The following VPS33B variants were observed in gnomAD, a reference collection of about 807,000 sequenced individuals.
VPS33B encodes vacuolar protein sorting-associated protein 33B.
In VPS33B, 80 loss-of-function variants were observed where a neutral mutation model predicts 95.3. That is an observed-to-expected ratio of 0.84 (90% CI 0.70 to 1.01). The LOEUF (loss-of-function observed/expected upper bound fraction) is 1.01, where lower values mean the gene tolerates loss of function less well. Among genes scored for constraint, VPS33B ranks in the 50% least tolerant of loss-of-function variants. VPS33B has a pLI of 0.00. For synonymous variants in VPS33B, 280 were observed against 280.4 expected, an observed-to-expected ratio of 1.00 and a Z score of 0.01; for missense variants, 715 against 773.4, an observed-to-expected ratio of 0.92 and a Z score of 0.90.
In VPS33B at chr15:91,003,134, A is replaced by G; in HGVS notation, c.1226-3T>C. ...TCGGTAATCCTTGGGGATCAAACCT[A>G]AGAGTGAAGAAAATAAGACAGGTGC... is the stretch of plus-strand genomic sequence containing the variant. On this transcript the variant is annotated splice_region_variant and splice_polypyrimidine_tract_variant and intron_variant, in intron 16 of 22. Transcript: ENST00000333371. 2 of 1,614,138 alleles carry G rather than the reference A, an allele frequency of 1.2e-6. No homozygotes were observed. Among genetic ancestry groups the G allele is most frequent in the Non-Finnish European group, 1.7e-6 (2 of 1,179,996 alleles).
rs370558056 is a variant in VPS33B at position 91,006,101 on chromosome 15, C to T, written c.853-42G>A. 7.5e-6 allele frequency: 12 copies of T among 1,604,260 alleles called. No homozygotes were observed. The highest frequency in any genetic ancestry group is 1.0e-5 in the Non-Finnish European group (12 of 1,172,238). The stretch of plus-strand genomic sequence containing the variant: ...ACAAGAACAGCTTACTCTGTCAGAA[C>T]CATAACTTAGCAGTAGAATGACAGT... On this transcript the variant is annotated intron_variant, in intron 11 of 22. Coordinates refer to ENST00000333371, the MANE Select transcript of VPS33B (RefSeq NM_018668.5). This position sits in a 1 kb window ranked among gnomAD's most constrained non-coding sequence, Gnocchi z 5.4.
rs1367743013 is a variant in VPS33B, at chr15:91,013,376, A to C, written c.357+428T>G. 2.6e-5 allele frequency among the ~76,000 whole-genome samples: 4 copies of C among 152,228 alleles called. No homozygotes were observed. Among genetic ancestry groups the C allele is most frequent in the Non-Finnish European group, 1.5e-5 (1 of 68,046 alleles). ...GCTATGGTTTGAATGTGTCTCCCAA[A>C]AGTTCATCTGTTGGAAACTGAATCT... On this transcript the variant is annotated intron_variant, in intron 5 of 22. Coordinates refer to ENST00000333371, the MANE Select transcript of VPS33B (RefSeq NM_018668.5). The surrounding 1 kb of genome is among the most constrained non-coding windows in gnomAD (Gnocchi z 4.5).
chr15:91,019,855 G>C (rs1228653020), intron 1 of VPS33B, among the ~76,000 whole-genome samples: 1 of 151,800 alleles, frequency 6.6e-6, no homozygotes, highest in Non-Finnish European at 1.5e-5. Context: ...GCCCAGGCTG[G>C]AGTGCAATGA....
intron 4 of VPS33B, among the ~76,000 whole-genome samples, 187 bp downstream of exon 4, chr15:91,014,197 C>A (rs1220794676): frequency 9.0e-6 from 1 of 110,936 alleles, no homozygotes; most frequent in African/African-American, 3.6e-5. Flanking sequence ...CCAGACTGGG[C>A]AACAAGAGTG....
Position 91,006,969 on chromosome 15 carries a change from AT to A in VPS33B, c.680del (p.His227LeufsTer12). ...ETKGRRPEIGHIFLLDRDVDF... is the reference protein window; with the variant it reads ...ETKGRRPEIGXIFLLDRDVDF... ...ATTTACCTCTGTCCAAGAGAAAGATATGTCCAATCTCTGGCCTTCGGCCCTT... is the reference window on the plus strand; with the variant it reads ...ATTTACCTCTGTCCAAGAGAAAGATAGTCCAATCTCTGGCCTTCGGCCCTT... On this transcript the variant is annotated frameshift_variant, in exon 9 of 23. Coordinates refer to ENST00000333371, the MANE Select transcript of VPS33B (RefSeq NM_018668.5). LOFTEE classifies it high-confidence loss of function. This position sits in a 1 kb window ranked among gnomAD's most constrained non-coding sequence, Gnocchi z 5.4. The A allele has an allele frequency of 6.2e-7, 1 of 1,614,154 alleles. No homozygotes were observed. The highest frequency in any genetic ancestry group is 8.5e-7 in the Non-Finnish European group (1 of 1,180,032).
intron 3 of VPS33B, 68 bp from the exon 4 acceptor site, chr15:91,014,501 C>T: frequency 6.4e-7 from 1 of 1,553,784 alleles, no homozygotes; most frequent in Non-Finnish European, 8.9e-7. Context: ...TTAGAAGAAA[C>T]TGAAACAATA....
intron 16 of VPS33B, among the ~76,000 whole-genome samples, chr15:91,004,048 AC>A (rs1015749125): frequency 1.1e-4 from 17 of 151,886 alleles, no homozygotes; most frequent in African/African-American, 3.9e-4. Context: ...ACATAACAAA[AC>A]CCTGTCTCTA....
Position 90,999,069 on chromosome 15 carries a change from G to A in VPS33B, c.1775-15C>T, listed in dbSNP as rs1228453762. Reference sequence around the variant, plus strand: ...GAACCTGTAGCCTAAGGAGTCAAATGCAGCAGCAGAAGAGACAGCACAGAT... The same window carrying A: ...GAACCTGTAGCCTAAGGAGTCAAATACAGCAGCAGAAGAGACAGCACAGAT... On this transcript the variant is annotated splice_polypyrimidine_tract_variant and intron_variant, in intron 22 of 22. Coordinates refer to ENST00000333371, the MANE Select transcript of VPS33B (RefSeq NM_018668.5). This position sits in a 1 kb window ranked among gnomAD's most constrained non-coding sequence, Gnocchi z 5.1. 1.2e-6 allele frequency: 2 copies of A among 1,613,566 alleles called. No homozygotes were observed. Among genetic ancestry groups the A allele is most frequent in the Admixed American group, 1.7e-5 (1 of 59,932 alleles).
rs1385869334 is a variant in VPS33B at position 91,000,897 on chromosome 15, T to G, written c.1480-306A>C. Reference sequence around the variant, plus strand: ...GTCACTGAAGCAGCACTTAGAATATTCTCTGGCATTGGCAGGTGCTTGTTA... The same window carrying G: ...GTCACTGAAGCAGCACTTAGAATATGCTCTGGCATTGGCAGGTGCTTGTTA... On this transcript the variant is annotated intron_variant, in intron 19 of 22. Coordinates refer to ENST00000333371, the MANE Select transcript of VPS33B (RefSeq NM_018668.5). This position sits in a 1 kb window ranked among gnomAD's most constrained non-coding sequence, Gnocchi z 4.9. 2.4e-6 allele frequency: 1 copy of G among 418,884 alleles called. No homozygotes were observed. Among genetic ancestry groups the G allele is most frequent in the Non-Finnish European group, 4.5e-6 (1 of 223,760 alleles). 25.9% of individuals were successfully genotyped at this position (418,884 alleles called of 1,614,324 possible). A position where few individuals can be genotyped will look rare whatever the true frequency, so the allele number is the denominator to read the frequency against.
chr15:91,017,745 G>A (rs1203710938), intron 2 of VPS33B, 60 bp downstream of exon 2: 1 of 1,505,368 alleles, frequency 6.6e-7, no homozygotes, highest in Non-Finnish European at 9.2e-7. Flanking sequence ...AGTTTGTATT[G>A]TTCATCAAAA....
At position 91,009,725 on chromosome 15, in the gene VPS33B, G is replaced by T; in HGVS notation, c.403+76C>A. On this transcript the variant is annotated intron_variant, in intron 6 of 22. Transcript: ENST00000333371. This position sits in a 1 kb window ranked among gnomAD's most constrained non-coding sequence, Gnocchi z 4.1. ...GGAGCTGGTGGTGGGGGTGGGGTGG[G>T]GGGGTTGGAGAACAACAACAGTTTT... 1 of 1,512,610 alleles carries T rather than the reference G, an allele frequency of 6.6e-7. No homozygotes were observed. The highest frequency in any genetic ancestry group is 1.2e-5 in the South Asian group (1 of 85,372). 93.7% of individuals were successfully genotyped at this position (1,512,610 alleles called of 1,614,324 possible).
At position 90,999,278 on chromosome 15, in the gene VPS33B, A is replaced by T; in HGVS notation, c.1775-224T>A. 1.7e-6 allele frequency: 1 copy of T among 602,976 alleles called. No homozygotes were observed. The highest frequency in any genetic ancestry group is 1.9e-5 in the South Asian group (1 of 51,680). 37.4% of individuals were successfully genotyped at this position (602,976 alleles called of 1,614,324 possible). A position where few individuals can be genotyped will look rare whatever the true frequency, so the allele number is the denominator to read the frequency against. ...TAAGGCTATGGCAAGTTGTATTCTG[A>T]GGCCAGGAGAAAAATATTCCTGTGC... On this transcript the variant is annotated intron_variant, in intron 22 of 22. Transcript: ENST00000333371. The surrounding 1 kb of genome is among the most constrained non-coding windows in gnomAD (Gnocchi z 5.1).
intron 5 of VPS33B, among the ~76,000 whole-genome samples, chr15:91,012,257 C>T (rs1317352239): frequency 6.6e-6 from 1 of 152,124 alleles, no homozygotes; most frequent in Non-Finnish European, 1.5e-5. Context: ...TAAGATTGTG[C>T]TATCAATGTT....
intron 4 of VPS33B, 37 bp downstream of exon 4, chr15:91,014,347 T>C (rs1454221041): frequency 1.2e-6 from 2 of 1,613,096 alleles, no homozygotes; most frequent in African/African-American, 1.3e-5. Context: ...TTGCCCGCCC[T>C]TTCCCACAGT....
Position 91,022,518 on chromosome 15 carries a change from A to G in VPS33B, c.-269T>C, listed in dbSNP as rs561174112. The G allele has an allele frequency of 1.8e-3, 627 of 348,590 alleles. 5 individuals are homozygous for G. The highest frequency in any genetic ancestry group is 0.012 in the African/African-American group (555 of 47,888). 21.6% of individuals were successfully genotyped at this position (348,590 alleles called of 1,614,324 possible). ...CTGATCCACTCTGCCCGTCAGCAGGATTCCGGTCTACACCCCGCAGAGACT... is the reference window on the plus strand; with the variant it reads ...CTGATCCACTCTGCCCGTCAGCAGGGTTCCGGTCTACACCCCGCAGAGACT... On this transcript the variant is annotated 5_prime_UTR_variant, in exon 1 of 23. Transcript: ENST00000333371.
Position 91,002,311 on chromosome 15 carries a change from G to T in VPS33B, c.1273-129C>A. On this transcript the variant is annotated intron_variant, in intron 17 of 22. Transcript: ENST00000333371. The surrounding 1 kb of genome is among the most constrained non-coding windows in gnomAD (Gnocchi z 4.7). Reference sequence around the variant, plus strand: ...TGTGAAGGAGCTCACACTTTGTTGAGATAAATTTTCACATCAGAAATAACC... The same window carrying T: ...TGTGAAGGAGCTCACACTTTGTTGATATAAATTTTCACATCAGAAATAACC... The T allele has an allele frequency of 7.3e-7, 1 of 1,371,270 alleles. No homozygotes were observed. Among genetic ancestry groups the T allele is most frequent in the Non-Finnish European group, 1.0e-6 (1 of 993,596 alleles). The allele number at this position is 1,371,270 out of a possible 1,614,324, so 84.9% of individuals were successfully genotyped here. A position where few individuals can be genotyped will look rare whatever the true frequency, so the allele number is the denominator to read the frequency against.
intron 1 of VPS33B, among the ~76,000 whole-genome samples, chr15:91,020,387 A>C (rs1486142816): frequency 6.6e-6 from 1 of 152,216 alleles, no homozygotes; most frequent in Non-Finnish European, 1.5e-5. Flanking sequence ...AAATTAAGTC[A>C]GAAGTTAGTT....
At position 91,018,094 on chromosome 15, in the gene VPS33B, T is replaced by C. The variant is rs2040995474; in HGVS notation, c.97-209A>G. On this transcript the variant is annotated intron_variant, in intron 1 of 22. Transcript: ENST00000333371. This position sits in a 1 kb window ranked among gnomAD's most constrained non-coding sequence, Gnocchi z 4.7. ...TTTGCCTTCTCGTTTTCTGTACCAG[T>C]GGGAAGAAGACATCCCACCTTCTTT... 1 of 577,032 alleles carries C rather than the reference T, an allele frequency of 1.7e-6. No homozygotes were observed. The highest frequency in any genetic ancestry group is 3.2e-6 in the Non-Finnish European group (1 of 316,672). 35.7% of individuals were successfully genotyped at this position (577,032 alleles called of 1,614,324 possible).
intron 6 of VPS33B, among the ~76,000 whole-genome samples, chr15:91,008,192 T>C (rs558308828): frequency 2.2e-4 from 33 of 152,336 alleles, no homozygotes; most frequent in African/African-American, 7.2e-4. Context: ...CAGCCTGTAA[T>C]ACAATGTGAT....
Sources: allele counts gnomAD v4.1 joint callset (sites outside exome capture counted in the v4.1 genomes callset), GRCh38; gene constraint gnomAD v4.1.1; non-coding constraint Gnocchi (gnomAD v3.1); transcripts MANE v1.5; gene names NCBI Gene and HGNC (gene_info 2026-07-23, HGNC 2026-07-21).